Variants in CELA1 observed in about 807,000 individuals in gnomAD.
CELA1 encodes the protein chymotrypsin-like elastase family member 1.
A neutral mutation model predicts 34.8 loss-of-function variants in CELA1; 28 were observed. The observed-to-expected ratio is 0.80, with a 90% CI of 0.60 to 1.10. CELA1 has a LOEUF of 1.10. CELA1 is among the 50% of genes least tolerant of loss of function. The probability of loss-of-function intolerance (pLI) is 0.00; values close to 1 mark genes in which losing one functional copy is unlikely to be tolerated. For synonymous variants in CELA1, 140 were observed against 129.8 expected, an observed-to-expected ratio of 1.08 and a Z score of -0.53; for missense variants, 288 against 327.5, an observed-to-expected ratio of 0.88 and a Z score of 0.93.
intron 4 of CELA1, 125 bp from the exon 5 acceptor site, chr12:51,341,505 CG>C (rs1265923645): frequency 5.9e-6 from 6 of 1,018,312 alleles, no homozygotes; most frequent in Non-Finnish European, 8.7e-6. Flanking sequence ...TGAAGAAGGA[CG>C]GGGCTCACTT....
intron 6 of CELA1, among the ~76,000 whole-genome samples, chr12:51,335,331 A>G (rs1037657558): frequency 7.2e-5 from 11 of 152,040 alleles, no homozygotes; most frequent in Admixed American, 2.0e-4. Flanking sequence ...ATCTTGGCTC[A>G]CTGCAACCTC....
In CELA1 at chr12:51,342,591, C is replaced by T. The variant is rs374315048; in HGVS notation, c.310G>A (p.Asp104Asn). The T allele has an allele frequency of 1.4e-5, 22 of 1,614,062 alleles. No homozygotes were observed. In the African/African-American group the frequency reaches 1.7e-4, roughly 13 times the overall value. The stretch of plus-strand genomic sequence containing the variant: ...TGCTCCTACCCGGCAGCCACGTTAT[C>T]GCTGTTCCAGTATGGATGCACCACG... ...KIVVHPYWNSDNVAAGYDIAL... is the reference protein window; with the variant it reads ...KIVVHPYWNSNNVAAGYDIAL... Residue 104 changes from aspartate to asparagine, a missense_variant, in exon 4 of 8, where the codon GAT becomes AAT. Asp to Asn is a conservative substitution (Grantham distance 23). Transcript: ENST00000293636.
chr12:51,346,471 G>C (rs1946565402), intron 1 of CELA1, 152 bp downstream of exon 1: 2 of 707,846 alleles, frequency 2.8e-6, no homozygotes, highest in Admixed American at 5.2e-5. Flanking sequence ...TCTGCAGGCA[G>C]AGCGTCCCAC....
At chr12:51,337,539 CAAAAAA>C (rs33950532) in intron 6 of CELA1, among the ~76,000 whole-genome samples, 1 of 69,358 alleles carries the variant, frequency 1.4e-5, no homozygotes, top group Non-Finnish European at 2.4e-5. Context: ...CTTATCTCTT[CAAAAAA>C]AAAAAAAAAA....
At chr12:51,343,198 G>T (rs1190885161) in intron 3 of CELA1, among the ~76,000 whole-genome samples, 1 of 152,128 alleles carries the variant, frequency 6.6e-6, no homozygotes, top group African/African-American at 2.4e-5. Context: ...AGGAAGCATA[G>T]ACTTTTAGGC....
intron 4 of CELA1, among the ~76,000 whole-genome samples, chr12:51,341,674 G>C (rs368963228): frequency 3.3e-5 from 5 of 152,186 alleles, no homozygotes; most frequent in Non-Finnish European, 7.3e-5. Context: ...AGAGTGGCAT[G>C]ATCTTGGTGG....
intron 6 of CELA1, among the ~76,000 whole-genome samples, chr12:51,333,790 A>G (rs1405129895): frequency 1.3e-5 from 2 of 152,220 alleles, no homozygotes; most frequent in Non-Finnish European, 2.9e-5. Flanking sequence ...AAACAAAACA[A>G]TCTCTTCCAC....
chr12:51,338,187 G>C (rs1325433474), intron 6 of CELA1, among the ~76,000 whole-genome samples: 1 of 150,148 alleles, frequency 6.7e-6, no homozygotes, highest in East Asian at 2.0e-4. Context: ...TCAGTGAGCT[G>C]AGATTGCGCC....
intron 2 of CELA1, 41 bp from the exon 3 acceptor site, chr12:51,343,894 C>A: frequency 8.5e-7 from 1 of 1,179,416 alleles, no homozygotes; most frequent in East Asian, 2.5e-5. Flanking sequence ...GTTGGTGTTT[C>A]TCAAATGGTT....
At chr12:51,342,062 C>CA (rs1195607318) in intron 4 of CELA1, among the ~76,000 whole-genome samples, 1 of 152,166 alleles carries the variant, frequency 6.6e-6, no homozygotes, top group Non-Finnish European at 1.5e-5. Flanking sequence ...TCTTATGAGA[C>CA]AGAGTCTCAC....
At chr12:51,332,931 CTGTG>C (rs1190238866) in intron 6 of CELA1, among the ~76,000 whole-genome samples, 5 of 151,702 alleles carry the variant, frequency 3.3e-5, no homozygotes, top group African/African-American at 7.3e-5. Flanking sequence ...TGGGATAATT[CTGTG>C]TGTGTTTGTT....
intron 2 of CELA1, among the ~76,000 whole-genome samples, chr12:51,344,693 CT>C (rs1946555707): frequency 6.6e-6 from 1 of 152,004 alleles, no homozygotes; most frequent in African/African-American, 2.4e-5. Flanking sequence ...CCATCGCCCC[CT>C]CTCCTCCCCC....
At position 51,342,690 on chromosome 12, in the gene CELA1, AAGTCTTCT is replaced by A; in HGVS notation, c.203_210del (p.Gln68LeufsTer9). 3.1e-6 allele frequency: 5 copies of A among 1,614,172 alleles called. No homozygotes were observed. The highest frequency in any genetic ancestry group is 4.2e-6 in the Non-Finnish European group (5 of 1,180,004). On this transcript the variant is annotated frameshift_variant and splice_region_variant, in exon 4 of 8. Transcript: ENST00000293636. LOFTEE classifies it high-confidence loss of function. The stretch of plus-strand genomic sequence containing the variant: ...TTATGGTCTCCAGCCACCACGCGGA[AAGTCTTCT>A]GGCTGGCGTGAGAGAAGGAATCCCT...
At chr12:51,335,301 G>T (rs541806840) in intron 6 of CELA1, among the ~76,000 whole-genome samples, 1 of 152,286 alleles carries the variant, frequency 6.6e-6, no homozygotes, top group African/African-American at 2.4e-5. Context: ...CTGTCACCCA[G>T]GCTGGAGTGC....
intron 6 of CELA1, among the ~76,000 whole-genome samples, chr12:51,331,072 G>A (rs1387813964): frequency 6.6e-6 from 1 of 151,616 alleles, no homozygotes; most frequent in African/African-American, 2.4e-5. Flanking sequence ...GACTATGCAG[G>A]GAGAAGAAAA....
At chr12:51,346,097 G>A (rs768839181) in intron 1 of CELA1, among the ~76,000 whole-genome samples, 14 of 151,850 alleles carry the variant, frequency 9.2e-5, no homozygotes, top group South Asian at 4.2e-4. Flanking sequence ...CCAGAACTCC[G>A]GCATGCTATG....
At chr12:51,331,120 G>A (rs1425416790) in intron 6 of CELA1, among the ~76,000 whole-genome samples, 3 of 118,480 alleles carry the variant, frequency 2.5e-5, no homozygotes, top group East Asian at 3.2e-4. Flanking sequence ...TGGGCATGGT[G>A]GCTCCACACC....
intron 6 of CELA1, among the ~76,000 whole-genome samples, chr12:51,336,031 G>C (rs1946498200): frequency 6.6e-6 from 1 of 152,122 alleles, no homozygotes; most frequent in South Asian, 2.1e-4. Context: ...GGTTACAATT[G>C]CCAAAGTGGC....
chr12:51,333,896 C>T (rs368088198), intron 6 of CELA1, among the ~76,000 whole-genome samples: 16 of 152,018 alleles, frequency 1.1e-4, no homozygotes, highest in South Asian at 2.1e-4. Flanking sequence ...CTAATTGACC[C>T]GAAAAGAGAC....
Sources: allele counts gnomAD v4.1 joint callset (sites outside exome capture counted in the v4.1 genomes callset), GRCh38; gene constraint gnomAD v4.1.1; transcripts MANE v1.5; gene names NCBI Gene and HGNC (gene_info 2026-07-23, HGNC 2026-07-21).